Variants in DLG2 observed in about 807,000 individuals in gnomAD.
DLG2 encodes disks large homolog 2.
A neutral mutation model predicts 132.5 loss-of-function variants in DLG2; 45 were observed. That is an observed-to-expected ratio of 0.34 (90% CI 0.27 to 0.44). The LOEUF (loss-of-function observed/expected upper bound fraction) is 0.44. Ranked by LOEUF, DLG2 falls within the 20% of genes least tolerant of loss-of-function variation. The pLI, the probability that DLG2 is intolerant of heterozygous loss-of-function variation, is 1.00. For synonymous variants in DLG2, 424 were observed against 419.6 expected (o/e 1.01, Z -0.13); for missense variants, 1,045 against 1,196.9 (o/e 0.87, Z 1.87).
At chr11:84,680,699 A>G (rs1333368595) in intron 6 of DLG2, among the ~76,000 whole-genome samples, 1 of 152,180 alleles carries the variant, frequency 6.6e-6, no homozygotes, top group African/African-American at 2.4e-5. Context: ...GTCTTTGGAC[A>G]AAGGTAGCCT....
chr11:84,851,470 G>C (rs1422032938), intron 6 of DLG2, among the ~76,000 whole-genome samples: 1 of 152,034 alleles, frequency 6.6e-6, no homozygotes, highest in Non-Finnish European at 1.5e-5. Context: ...GAGCCCAGGA[G>C]TTTTGTGGCT....
At chr11:84,234,220 A>G (rs1001558297) in intron 8 of DLG2, among the ~76,000 whole-genome samples, 7 of 152,212 alleles carry the variant, frequency 4.6e-5, no homozygotes, top group Non-Finnish European at 1.0e-4. Flanking sequence ...AAGTCAAAAG[A>G]TCAAGCCGTG....
At chr11:85,019,537 G>A (rs1175400695) in intron 6 of DLG2, among the ~76,000 whole-genome samples, 4 of 152,066 alleles carry the variant, frequency 2.6e-5, no homozygotes, top group African/African-American at 9.7e-5. Context: ...TGTTACATAT[G>A]TATATATGTG....
At chr11:85,196,176 C>G (rs2081053945) in intron 4 of DLG2, among the ~76,000 whole-genome samples, 1 of 152,136 alleles carries the variant, frequency 6.6e-6, no homozygotes, top group South Asian at 2.1e-4. Context: ...AATCCAAGTT[C>G]CTTGACTTCC....
intron 7 of DLG2, among the ~76,000 whole-genome samples, chr11:84,517,560 T>C (rs1471135182): frequency 6.6e-6 from 1 of 151,960 alleles, no homozygotes; most frequent in Non-Finnish European, 1.5e-5. Flanking sequence ...TATAAATTAA[T>C]GCAACCATTA....
intron 6 of DLG2, among the ~76,000 whole-genome samples, chr11:84,692,448 A>C (rs921807251): frequency 6.6e-6 from 1 of 151,668 alleles, no homozygotes; most frequent in African/African-American, 2.4e-5. Context: ...CAGATCCTCA[A>C]ATTAAAAAAA....
chr11:84,059,387 G>T lies in DLG2; in HGVS notation c.847C>A (p.Arg283=), dbSNP rs146095353. ...EALKEAGSIV[R]LYVRRRRPIL... ...GGTCGTCTTCTACGCACATACAGCC[G>T]AACGATAGACCCTGCTTCCTTCAGG... The change falls in exon 11 of 28, where the codon CGG becomes AGG. Residue 283 remains arginine, a synonymous_variant. Coordinates refer to ENST00000376104, the MANE Select transcript of DLG2 (RefSeq NM_001142699.3). 1 of 1,613,304 alleles carries T rather than the reference G, an allele frequency of 6.2e-7. No homozygotes were observed. Among genetic ancestry groups the T allele is most frequent in the East Asian group, 2.2e-5 (1 of 44,800 alleles).
chr11:83,971,521 T>TATG (rs34988339), intron 12 of DLG2, among the ~76,000 whole-genome samples: 6,609 of 152,118 alleles, frequency 0.043, 197 homozygotes, highest in Non-Finnish European at 0.067. Flanking sequence ...GGCATGAGAA[T>TATG]ATAATAAAGA....
chr11:85,263,669 G>A (rs773633001), intron 4 of DLG2, among the ~76,000 whole-genome samples: 4 of 152,156 alleles, frequency 2.6e-5, no homozygotes, highest in East Asian at 1.9e-4. Flanking sequence ...GTGTTCAGAC[G>A]TCTTTCCCCT....
At chr11:84,614,595 G>A (rs1189153395) in intron 6 of DLG2, among the ~76,000 whole-genome samples, 2 of 152,206 alleles carry the variant, frequency 1.3e-5, no homozygotes, top group Non-Finnish European at 2.9e-5. Flanking sequence ...TAGTCAGGGA[G>A]ACCAGTTGTC....
intron 18 of DLG2, among the ~76,000 whole-genome samples, chr11:83,780,872 T>C (rs1450470812): frequency 6.6e-6 from 1 of 152,184 alleles, no homozygotes; most frequent in Non-Finnish European, 1.5e-5. Context: ...TGCCCAGTTC[T>C]CCAGGTAGAG....
chr11:84,721,206 G>A (rs1238224073), intron 6 of DLG2, among the ~76,000 whole-genome samples: 1 of 152,222 alleles, frequency 6.6e-6, no homozygotes. Flanking sequence ...ACAACAGCAT[G>A]CCTTGCCGGG....
chr11:85,113,571 G>A (rs1474638645), intron 5 of DLG2, among the ~76,000 whole-genome samples: 1 of 151,998 alleles, frequency 6.6e-6, no homozygotes, highest in Non-Finnish European at 1.5e-5. Context: ...CACATGTCAT[G>A]TGAACATAAA....
intron 7 of DLG2, among the ~76,000 whole-genome samples, chr11:84,436,909 C>G (rs552999351): frequency 6.6e-6 from 1 of 152,304 alleles, no homozygotes; most frequent in East Asian, 1.9e-4. Flanking sequence ...GTCTGGTCAA[C>G]GTTACTGAGA....
intron 8 of DLG2, among the ~76,000 whole-genome samples, chr11:84,183,074 T>C (rs2096183422): frequency 6.6e-6 from 1 of 152,148 alleles, no homozygotes; most frequent in South Asian, 2.1e-4. Context: ...CTTATATCTA[T>C]TGAAGAAATT....
chr11:84,582,227 T>G (rs1301735678), intron 6 of DLG2, among the ~76,000 whole-genome samples: 1 of 151,338 alleles, frequency 6.6e-6, no homozygotes, highest in Non-Finnish European at 1.5e-5. Context: ...AAATTATACT[T>G]TAGAAAGATT....
intron 7 of DLG2, among the ~76,000 whole-genome samples, chr11:84,350,184 C>CAAA (rs398045349): frequency 2.0e-4 from 20 of 102,144 alleles, no homozygotes; most frequent in African/African-American, 6.7e-4. Flanking sequence ...TCCCCCCCCC[C>CAAA]AAAAAAAAAA....
chr11:83,669,412 T>C (rs1165316988), intron 18 of DLG2, among the ~76,000 whole-genome samples: 4 of 152,188 alleles, frequency 2.6e-5, no homozygotes, highest in Admixed American at 6.5e-5. Flanking sequence ...TGAATACATA[T>C]ATAGATGTAT....
At chr11:85,426,636 T>A (rs2090766336) in intron 3 of DLG2, among the ~76,000 whole-genome samples, 1 of 151,980 alleles carries the variant, frequency 6.6e-6, no homozygotes. Flanking sequence ...TACGTTACCA[T>A]CATCAAAGAC....
Sources: allele counts gnomAD v4.1 joint callset (sites outside exome capture counted in the v4.1 genomes callset), GRCh38; gene constraint gnomAD v4.1.1; transcripts MANE v1.5; gene names NCBI Gene and HGNC (gene_info 2026-07-23, HGNC 2026-07-21).